Variants in LRCH3 observed in about 807,000 individuals in gnomAD.
LRCH3 encodes the protein leucine rich repeats and calponin homology domain containing 3, also known as DISP complex protein LRCH3.
A neutral mutation model predicts 104.5 loss-of-function variants in LRCH3; 68 were observed. The observed-to-expected ratio is 0.65, with a 90% CI of 0.54 to 0.80. LRCH3 has a LOEUF of 0.80. Among genes scored for constraint, LRCH3 ranks in the 30% least tolerant of loss-of-function variants. LRCH3 has a pLI of 0.00. For missense variants in LRCH3, 951 were observed against 953.9 expected, an observed-to-expected ratio of 1.00 and a Z score of 0.04; for synonymous variants, 344 against 361.3, an observed-to-expected ratio of 0.95 and a Z score of 0.54.
rs1226436248 is a variant in LRCH3, at chr3:197,887,530, A to G, written c.*3864A>G. 1.7e-5 allele frequency: 2 copies of G among 120,136 alleles called. No individual in the cohort carries two copies. Among genetic ancestry groups the G allele is most frequent in the Non-Finnish European group, 3.4e-5 (2 of 59,430 alleles). 7.4% of individuals were successfully genotyped at this position (120,136 alleles called of 1,614,324 possible). A position where few individuals can be genotyped will look rare whatever the true frequency, so the allele number is the denominator to read the frequency against. Reference sequence around the variant, plus strand: ...AGCAGAGCCCTTCCCATCACTGAACAGTGTTGGCGGCTGAGAGCCCCCCAG... The same window carrying G: ...AGCAGAGCCCTTCCCATCACTGAACGGTGTTGGCGGCTGAGAGCCCCCCAG... On this transcript the variant is annotated 3_prime_UTR_variant, in exon 21 of 21. Coordinates refer to ENST00000425562, the MANE Select transcript of LRCH3 (RefSeq NM_001365715.1).
At chr3:197,794,747 A>G (rs1241069846) in intron 1 of LRCH3, among the ~76,000 whole-genome samples, 1 of 152,164 alleles carries the variant, frequency 6.6e-6, no homozygotes, top group Non-Finnish European at 1.5e-5. Context: ...GCTCTCGCCT[A>G]TAATCCCAGC....
chr3:197,870,873 T>A (rs1712092880), intron 18 of LRCH3, among the ~76,000 whole-genome samples: 4 of 152,042 alleles, frequency 2.6e-5, no homozygotes. Flanking sequence ...AGCTATTTAC[T>A]TAGAAAATGA....
chr3:197,879,490 C>G (rs1560062983), intron 20 of LRCH3, among the ~76,000 whole-genome samples: 1 of 150,758 alleles, frequency 6.6e-6, no homozygotes, highest in Non-Finnish European at 1.5e-5. Context: ...ACTAAAAATA[C>G]AAAAAATTAG....
At chr3:197,844,237 CA>C (rs1354272516) in intron 10 of LRCH3, among the ~76,000 whole-genome samples, 1 of 152,018 alleles carries the variant, frequency 6.6e-6, no homozygotes, top group Non-Finnish European at 1.5e-5. Flanking sequence ...CAGGTACCTA[CA>C]AGACATCCAA....
Position 197,886,181 on chromosome 3 carries a change from TAA to T in LRCH3, c.*2532_*2533del, listed in dbSNP as rs61062610. On this transcript the variant is annotated 3_prime_UTR_variant, in exon 21 of 21. Transcript: ENST00000425562. ...TAGCAAGACCCTGTCTCCCAAAAAT[TAA>T]AAAAAAAAAAAAAAAACCAGGTGTG... 38 of 126,166 alleles carry T rather than the reference TAA, an allele frequency of 3.0e-4. No homozygotes were observed. The highest frequency in any genetic ancestry group is 8.0e-4 in the South Asian group (3 of 3,742). 7.8% of individuals were successfully genotyped at this position (126,166 alleles called of 1,614,324 possible). A position where few individuals can be genotyped will look rare whatever the true frequency, so the allele number is the denominator to read the frequency against.
intron 10 of LRCH3, among the ~76,000 whole-genome samples, chr3:197,846,337 G>A (rs916290727): frequency 3.5e-5 from 5 of 141,316 alleles, no homozygotes; most frequent in Non-Finnish European, 6.0e-5. Flanking sequence ...CCAGGAGGTC[G>A]AATCTGCAGT....
chr3:197,851,284 C>G lies in LRCH3; in HGVS notation c.1531-1277C>G, dbSNP rs1009424147. ...CTTGTAGAGAGTCTTGATTAAATGT[C>G]AAATTAGTGTTGGATCTTGATCTAT... On this transcript the variant is annotated intron_variant, in intron 12 of 20. Coordinates refer to ENST00000425562, the MANE Select transcript of LRCH3 (RefSeq NM_001365715.1). Among the ~76,000 whole-genome samples, 5 of 152,126 alleles carry G rather than the reference C, an allele frequency of 3.3e-5. No individual in the cohort carries two copies. The South Asian group carries it at 8.3e-4, about 25-fold the overall frequency.
Position 197,887,812 on chromosome 3 carries a change from C to G in LRCH3, c.*4146C>G, listed in dbSNP as rs1351262638. On this transcript the variant is annotated 3_prime_UTR_variant, in exon 21 of 21. Coordinates refer to ENST00000425562, the MANE Select transcript of LRCH3 (RefSeq NM_001365715.1). ...AGAGCCCCCCCTAGCAGAGCCCTTC[C>G]CATCACTGACAGTGTCGGGTTGAGA... 1 of 155,032 alleles carries G rather than the reference C, an allele frequency of 6.5e-6. No individual in the cohort carries two copies. The highest frequency in any genetic ancestry group is 2.4e-5 in the African/African-American group (1 of 41,420). 9.6% of individuals were successfully genotyped at this position (155,032 alleles called of 1,614,324 possible).
At chr3:197,865,511 T>C in intron 16 of LRCH3, 40 bp downstream of exon 16, 1 of 1,246,096 alleles carries the variant, frequency 8.0e-7, no homozygotes, top group Non-Finnish European at 1.1e-6. Flanking sequence ...ATCAAGATTA[T>C]AATTCTTTAT....
rs150116575 is a variant in LRCH3, at chr3:197,826,884, C to T, written c.647C>T (p.Ala216Val). 25 of 1,613,984 alleles carry T rather than the reference C, an allele frequency of 1.5e-5. No homozygotes were observed. The highest frequency in any genetic ancestry group is 1.6e-4 in the Middle Eastern group (1 of 6,062). Residue 216 changes from alanine (A) to valine (V), a missense_variant, in exon 5 of 21, where the codon GCG (alanine) becomes GTG (valine). By Grantham distance (64) the Ala-to-Val change is moderately conservative (BLOSUM62 0). Transcript: ENST00000425562. ...CCATTTTACCTTCTTGCAGAGCTGG[C>T]GGAGTTGCCTTTGATACGGTTAGAC... Reference protein sequence around the residue: ...NHLVHLPEELAELPLIRLDFS... With the variant: ...NHLVHLPEELVELPLIRLDFS...
chr3:197,805,294 A>G (rs193076011), intron 1 of LRCH3, among the ~76,000 whole-genome samples: 50 of 152,174 alleles, frequency 3.3e-4, no homozygotes, highest in Non-Finnish European at 2.8e-4. Context: ...TAACTTTTCC[A>G]GTAAGACACT....
At chr3:197,867,390 T>C (rs1741616242) in intron 17 of LRCH3, among the ~76,000 whole-genome samples, 1 of 150,838 alleles carries the variant, frequency 6.6e-6, no homozygotes, top group Non-Finnish European at 1.5e-5. Flanking sequence ...CACTCCAGCA[T>C]GGATGACAGT....
intron 17 of LRCH3, 61 bp from the exon 18 acceptor site, chr3:197,870,099 G>A: frequency 1.1e-5 from 18 of 1,568,972 alleles, no homozygotes; most frequent in Non-Finnish European, 1.6e-5. Flanking sequence ...ATGAGGCAGA[G>A]CCGGATGTTC....
rs984047560 is a variant in LRCH3 at position 197,816,279 on chromosome 3, T to A, written c.408-897T>A. Among the ~76,000 whole-genome samples the A allele has an allele frequency of 3.3e-5, 5 of 152,070 alleles. 1 individual carries two copies. Among genetic ancestry groups the A allele is most frequent in the African/African-American group, 1.2e-4 (5 of 41,394 alleles). On this transcript the variant is annotated intron_variant, in intron 2 of 20. Transcript: ENST00000425562. ...TTTTATCTTGATAGATGTGGGTTGT[T>A]TTTTTTTCTTTTTCTTTTGAGACAG...
At chr3:197,870,400 C>CG in intron 18 of LRCH3, 122 bp downstream of exon 18, 1 of 947,702 alleles carries the variant, frequency 1.1e-6, no homozygotes, top group Non-Finnish European at 1.5e-6. Context: ...GAGTCTCACT[C>CG]TGTCACCCAG....
Position 197,886,388 on chromosome 3 carries a change from T to C in LRCH3, c.*2722T>C, listed in dbSNP as rs57178418. On this transcript the variant is annotated 3_prime_UTR_variant, in exon 21 of 21. Transcript: ENST00000425562. Reference sequence around the variant, plus strand: ...CATCTAACTTCAATGCCCAATCTTATAGAACAAAAGTAAAATGTCTTTATG... The same window carrying C: ...CATCTAACTTCAATGCCCAATCTTACAGAACAAAAGTAAAATGTCTTTATG... 0.04 allele frequency: 6,056 copies of C among 152,022 alleles called. 378 individuals are homozygous for C. The highest frequency in any genetic ancestry group is 0.13 in the African/African-American group (5,549 of 41,418). 9.4% of individuals were successfully genotyped at this position (152,022 alleles called of 1,614,324 possible).
At chr3:197,817,138 G>A (rs753672053) in intron 2 of LRCH3, 38 bp from the exon 3 acceptor site, 2 of 1,560,648 alleles carry the variant, frequency 1.3e-6, no homozygotes, top group East Asian at 2.4e-5. Flanking sequence ...CTTCAGTGGT[G>A]GACTCTGATT....
chr3:197,868,407 C>T (rs1711603358), intron 17 of LRCH3, among the ~76,000 whole-genome samples: 1 of 152,138 alleles, frequency 6.6e-6, no homozygotes, highest in Non-Finnish European at 1.5e-5. Flanking sequence ...ATATGAGTGA[C>T]TTGAGCGTCC....
intron 17 of LRCH3, among the ~76,000 whole-genome samples, chr3:197,869,798 TGTACCTGCAGGAGGTA>T (rs1711884371): frequency 7.2e-6 from 1 of 138,166 alleles, no homozygotes; most frequent in Admixed American, 7.0e-5. Context: ...AGCGATGCAC[TGTACCTGCAGGAGGTA>T]GAAAGCGATG....
Sources: gnomAD v4.1 joint callset for allele counts (sites outside exome capture counted in the v4.1 genomes callset) on GRCh38, gnomAD v4.1.1 for gene constraint, MANE v1.5 for transcripts, NCBI Gene and HGNC (gene_info 2026-07-23, HGNC 2026-07-21) for gene names.